Variants in PANX1 observed in about 807,000 individuals in gnomAD.
The protein encoded by PANX1 is pannexin 1.
Under a neutral mutation model 38.7 loss-of-function variants are expected in PANX1, and 30 were observed. That is an observed-to-expected ratio of 0.78 (90% CI 0.58 to 1.05). The LOEUF (loss-of-function observed/expected upper bound fraction) is 1.05, where lower values mean the gene tolerates loss of function less well. PANX1 is among the 50% of genes least tolerant of loss of function. PANX1 has a pLI of 0.00. For synonymous variants in PANX1, 230 were observed against 212.2 expected, an observed-to-expected ratio of 1.08 and a Z score of -0.73; for missense variants, 551 against 517.2, an observed-to-expected ratio of 1.07 and a Z score of -0.63.
At position 94,148,196 on chromosome 11, in the gene PANX1, A is replaced by G. The variant is rs564594110; in HGVS notation, c.182-5295A>G. Among the ~76,000 whole-genome samples the G allele has an allele frequency of 4.6e-5, 7 of 152,350 alleles. No homozygotes were observed. The South Asian group carries it at 1.5e-3, about 32-fold the overall frequency. ...AGAAAAGTGAAGGCAGTAATGGACAATTTGGGACATCCAGAATATATTTAA... is the reference window on the plus strand; with the variant it reads ...AGAAAAGTGAAGGCAGTAATGGACAGTTTGGGACATCCAGAATATATTTAA... On this transcript the variant is annotated intron_variant, in intron 1 of 4. Coordinates refer to ENST00000227638, the MANE Select transcript of PANX1 (RefSeq NM_015368.4).
chr11:94,178,304 C>T (rs1348912552), intron 2 of PANX1, 65 bp from the exon 3 acceptor site: 2 of 1,230,218 alleles, frequency 1.6e-6, no homozygotes, highest in Non-Finnish European at 2.4e-6. Context: ...GAGAGCATCA[C>T]TTGGCGCCAT....
Position 94,181,191 on chromosome 11 carries a change from T to G in PANX1, c.*322T>G, listed in dbSNP as rs921857173. 29 of 254,486 alleles carry G rather than the reference T, an allele frequency of 1.1e-4. No homozygotes were observed. The highest frequency in any genetic ancestry group is 5.9e-4 in the African/African-American group (27 of 45,872). The allele number at this position is 254,486 out of a possible 1,614,324, so 15.8% of individuals were successfully genotyped here. ...CCTGTCAGAGCCTCGGAGCAATACC[T>G]TTCTGTACCCGTGGTGAGACAAGAC... is the stretch of plus-strand genomic sequence containing the variant. On this transcript the variant is annotated 3_prime_UTR_variant, in exon 5 of 5. Coordinates refer to ENST00000227638, the MANE Select transcript of PANX1 (RefSeq NM_015368.4).
intron 1 of PANX1, among the ~76,000 whole-genome samples, chr11:94,143,604 A>T (rs370238424): frequency 6.6e-6 from 1 of 152,210 alleles, no homozygotes; most frequent in Non-Finnish European, 1.5e-5. Flanking sequence ...GTTGCTGGGA[A>T]GTAAAAGAGA....
intron 2 of PANX1, among the ~76,000 whole-genome samples, chr11:94,157,653 G>A (rs1406562324): frequency 3.3e-5 from 5 of 152,132 alleles, no homozygotes; most frequent in Non-Finnish European, 7.3e-5. Context: ...TGTCAGATGA[G>A]TAGGTTGTGA....
chr11:94,134,409 GA>G (rs1946663550), intron 1 of PANX1, among the ~76,000 whole-genome samples: 1 of 152,164 alleles, frequency 6.6e-6, no homozygotes, highest in Non-Finnish European at 1.5e-5. Flanking sequence ...TTCAAGCTCT[GA>G]AATTCTAGAA....
chr11:94,140,537 A>G (rs1031118498), intron 1 of PANX1, among the ~76,000 whole-genome samples: 7 of 152,286 alleles, frequency 4.6e-5, no homozygotes, highest in South Asian at 4.1e-4. Context: ...ATGTGCCACA[A>G]TTTTCCATCA....
At chr11:94,130,779 G>C (rs1040375034) in intron 1 of PANX1, among the ~76,000 whole-genome samples, 2 of 152,178 alleles carry the variant, frequency 1.3e-5, no homozygotes, top group Non-Finnish European at 2.9e-5. Context: ...TGCGGAGGTT[G>C]TATGTCTGGG....
chr11:94,148,381 T>C (rs1946849907), intron 1 of PANX1, among the ~76,000 whole-genome samples: 1 of 152,220 alleles, frequency 6.6e-6, no homozygotes, highest in African/African-American at 2.4e-5. Context: ...TGGGCAAGAA[T>C]ACCCTTCGGG....
chr11:94,148,061 A>C (rs1217520146), intron 1 of PANX1, among the ~76,000 whole-genome samples: 1 of 149,888 alleles, frequency 6.7e-6, no homozygotes, highest in Non-Finnish European at 1.5e-5. Context: ...GGTTTAAAGG[A>C]AAAAAAAAAG....
At chr11:94,147,760 A>G (rs961666301) in intron 1 of PANX1, among the ~76,000 whole-genome samples, 4 of 152,152 alleles carry the variant, frequency 2.6e-5, no homozygotes, top group Non-Finnish European at 5.9e-5. Context: ...TTTGGCAGGT[A>G]CAGACTATTA....
At chr11:94,156,203 AC>A (rs781633859) in intron 2 of PANX1, among the ~76,000 whole-genome samples, 5 of 152,206 alleles carry the variant, frequency 3.3e-5, no homozygotes, top group Admixed American at 3.3e-4. Context: ...CCAGTTACTG[AC>A]CAACACATCA....
At chr11:94,137,427 T>G (rs1946708303) in intron 1 of PANX1, among the ~76,000 whole-genome samples, 1 of 152,158 alleles carries the variant, frequency 6.6e-6, no homozygotes, top group Admixed American at 6.5e-5. Flanking sequence ...GCTGGTTGCT[T>G]TCTTGGATTG....
chr11:94,158,732 C>A (rs1003797167), intron 2 of PANX1, among the ~76,000 whole-genome samples: 1 of 152,138 alleles, frequency 6.6e-6, no homozygotes, highest in African/African-American at 2.4e-5. Flanking sequence ...TGATTGAATG[C>A]CCTTTATTTC....
At chr11:94,139,022 T>TC (rs1246967699) in intron 1 of PANX1, among the ~76,000 whole-genome samples, 1 of 152,170 alleles carries the variant, frequency 6.6e-6, no homozygotes, top group African/African-American at 2.4e-5. Context: ...TAGCTGATAA[T>TC]CCCCCCATTG....
chr11:94,145,645 C>T (rs996239371), intron 1 of PANX1, among the ~76,000 whole-genome samples: 4 of 152,170 alleles, frequency 2.6e-5, no homozygotes, highest in Admixed American at 6.5e-5. Flanking sequence ...GCAATAGATT[C>T]CTGTCTGGTC....
intron 2 of PANX1, among the ~76,000 whole-genome samples, chr11:94,156,067 C>CTAATG (rs10683678): frequency 0.54 from 81,965 of 151,448 alleles, 22,976 homozygotes; most frequent in African/African-American, 0.68. Flanking sequence ...GGAGAATTGT[C>CTAATG]TAAGAGTTGG....
chr11:94,180,382 A>G, intron 4 of PANX1, 125 bp downstream of exon 4: 1 of 810,678 alleles, frequency 1.2e-6, no homozygotes, highest in Non-Finnish European at 1.9e-6. Context: ...AAAAACCTTA[A>G]TACCAAGGTG....
At position 94,180,905 on chromosome 11, in the gene PANX1, T is replaced by G. The variant is rs756357230; in HGVS notation, c.*36T>G. The G allele has an allele frequency of 2.5e-6, 3 of 1,206,990 alleles. No homozygotes were observed. The highest frequency in any genetic ancestry group is 3.7e-6 in the Non-Finnish European group (3 of 808,812). The allele number at this position is 1,206,990 out of a possible 1,614,324, so 74.8% of individuals were successfully genotyped here. ...CCTTGAGCTGTAAATCTGTGACTTC[T>G]GCGACATGGGATTTAATTTGGCTAA... On this transcript the variant is annotated 3_prime_UTR_variant, in exon 5 of 5. Transcript: ENST00000227638.
At chr11:94,174,142 C>T (rs1171871274) in intron 2 of PANX1, among the ~76,000 whole-genome samples, 1 of 151,508 alleles carries the variant, frequency 6.6e-6, no homozygotes, top group Non-Finnish European at 1.5e-5. Context: ...GATTAGGACC[C>T]ACCCTAATTT....
Sources: gnomAD v4.1 joint callset for allele counts (sites outside exome capture counted in the v4.1 genomes callset) on GRCh38, gnomAD v4.1.1 for gene constraint, MANE v1.5 for transcripts, NCBI Gene and HGNC (gene_info 2026-07-23, HGNC 2026-07-21) for gene names.